The following CGNL1 variants were observed in gnomAD, a reference collection of about 807,000 sequenced individuals.
The protein encoded by CGNL1 is cingulin-like protein 1.
In CGNL1, 132 loss-of-function variants were observed where a neutral mutation model predicts 141.2. The ratio of observed to expected loss-of-function variants is 0.93; its 90% CI spans 0.81 to 1.08. CGNL1 has a LOEUF of 1.08. Ranked by LOEUF, CGNL1 falls within the 50% of genes least tolerant of loss-of-function variation. The pLI, the probability that CGNL1 is intolerant of heterozygous loss-of-function variation, is 0.00. For synonymous variants in CGNL1, 690 were observed against 622.1 expected (o/e 1.11, Z -1.63); for missense variants, 1,870 against 1,588.6 (o/e 1.18, Z -3.01).
At chr15:57,487,012 GT>G (rs1272651806) in intron 8 of CGNL1, among the ~76,000 whole-genome samples, 1 of 152,180 alleles carries the variant, frequency 6.6e-6, no homozygotes, top group African/African-American at 2.4e-5. Context: ...TTTGCTGCTA[GT>G]TTTCCCAGCC....
intron 14 of CGNL1, among the ~76,000 whole-genome samples, chr15:57,538,597 T>C (rs55653578): frequency 0.11 from 16,259 of 152,178 alleles, 1,435 homozygotes; most frequent in East Asian, 0.45. Flanking sequence ...GGGAAGTCTG[T>C]TTCCTGGTGG....
At chr15:57,503,207 A>C (rs577280470) in intron 8 of CGNL1, among the ~76,000 whole-genome samples, 1 of 152,200 alleles carries the variant, frequency 6.6e-6, no homozygotes, top group South Asian at 2.1e-4. Context: ...TAGTTAGGTC[A>C]GTAGGAGCCT....
chr15:57,470,356 AG>A (rs2063566629), intron 8 of CGNL1, among the ~76,000 whole-genome samples: 1 of 148,608 alleles, frequency 6.7e-6, no homozygotes, highest in Non-Finnish European at 1.5e-5. Flanking sequence ...TAAGAGGTCT[AG>A]AGTGGTGTCC....
chr15:57,436,649 G>A (rs1457751302), intron 1 of CGNL1, among the ~76,000 whole-genome samples: 2 of 151,948 alleles, frequency 1.3e-5, no homozygotes, highest in Non-Finnish European at 2.9e-5. Context: ...TCCAAGTCAA[G>A]GAGTCAGAAA....
chr15:57,471,140 A>G (rs1033233456), intron 8 of CGNL1, among the ~76,000 whole-genome samples: 30 of 152,206 alleles, frequency 2.0e-4, no homozygotes, highest in African/African-American at 6.3e-4. Context: ...GCTTCCAGTT[A>G]CAGTTCAGAT....
chr15:57,530,406 C>T (rs1290035781), intron 13 of CGNL1, among the ~76,000 whole-genome samples: 1 of 152,206 alleles, frequency 6.6e-6, no homozygotes, highest in Non-Finnish European at 1.5e-5. Flanking sequence ...AGGGGTGTTT[C>T]GTCCCCTAAG....
At chr15:57,456,109 C>T (rs1235947617) in intron 7 of CGNL1, among the ~76,000 whole-genome samples, 1 of 152,148 alleles carries the variant, frequency 6.6e-6, no homozygotes, top group Non-Finnish European at 1.5e-5. Flanking sequence ...ACGGTTTCTA[C>T]GTCACTAGTA....
chr15:57,478,115 T>G (rs1047960357), intron 8 of CGNL1: 2 of 152,210 alleles, frequency 1.3e-5, no homozygotes, highest in African/African-American at 4.8e-5. Flanking sequence ...CTGACATTCC[T>G]GTACATCCGG....
intron 8 of CGNL1, among the ~76,000 whole-genome samples, chr15:57,484,320 G>A (rs898490903): frequency 1.5e-4 from 23 of 152,000 alleles, no homozygotes; most frequent in Admixed American, 3.9e-4. Flanking sequence ...ATTTAATATC[G>A]CATAAGTTGT....
chr15:57,450,848 C>G (rs2063313582), intron 4 of CGNL1, among the ~76,000 whole-genome samples: 1 of 152,142 alleles, frequency 6.6e-6, no homozygotes, highest in Non-Finnish European at 1.5e-5. Flanking sequence ...AGAATTCTAA[C>G]AATCATTTAC....
intron 8 of CGNL1, among the ~76,000 whole-genome samples, chr15:57,468,155 T>C (rs2063532638): frequency 6.6e-6 from 1 of 152,074 alleles, no homozygotes; most frequent in Middle Eastern, 3.2e-3. Context: ...GAGAGTTAAT[T>C]ACCTATCCTC....
chr15:57,501,395 C>G (rs1204553755), intron 8 of CGNL1, among the ~76,000 whole-genome samples: 1 of 152,228 alleles, frequency 6.6e-6, no homozygotes, highest in African/African-American at 2.4e-5. Flanking sequence ...AAGCACATAG[C>G]TGGTGTCTGG....
chr15:57,440,187 G>A (rs1353737330), intron 2 of CGNL1, among the ~76,000 whole-genome samples, 190 bp from the exon 3 acceptor site: 2 of 151,866 alleles, frequency 1.3e-5, no homozygotes, highest in Non-Finnish European at 2.9e-5. Flanking sequence ...TGTGCAGGTA[G>A]TACCTATTAA....
At chr15:57,459,015 C>G (rs2063413968) in intron 7 of CGNL1, among the ~76,000 whole-genome samples, 1 of 152,286 alleles carries the variant, frequency 6.6e-6, no homozygotes, top group South Asian at 2.1e-4. Flanking sequence ...TGAAAGAGAT[C>G]TCGTTGTCGG....
At chr15:57,423,686 C>T (rs2062940952) in intron 1 of CGNL1, among the ~76,000 whole-genome samples, 1 of 152,226 alleles carries the variant, frequency 6.6e-6, no homozygotes, top group Admixed American at 6.5e-5. Flanking sequence ...CTCTGGGCTT[C>T]TGGGATGCCA....
At chr15:57,546,635 T>G (rs1413562723) in intron 18 of CGNL1, among the ~76,000 whole-genome samples, 1 of 152,170 alleles carries the variant, frequency 6.6e-6, no homozygotes, top group Non-Finnish European at 1.5e-5. Context: ...AGGACTAGGA[T>G]TCCCCAAGCC....
Position 57,513,284 on chromosome 15 carries a change from GTGTGTGTGTGTT to G in CGNL1, c.2404-3489_2404-3478del, listed in dbSNP as rs1279740283. Among the ~76,000 whole-genome samples, 146 of 102,132 alleles carry G rather than the reference GTGTGTGTGTGTT, an allele frequency of 1.4e-3. 2 individuals are homozygous for G. The highest frequency in any genetic ancestry group is 5.6e-3 in the African/African-American group (133 of 23,918). The allele number at this position is 102,132 out of a possible 152,430, so 67.0% of individuals were successfully genotyped here. On this transcript the variant is annotated intron_variant, in intron 8 of 18. Coordinates refer to ENST00000281282, the MANE Select transcript of CGNL1 (RefSeq NM_032866.5). ...TGTGTGTGTGTGTGTGTGTGTGTGT[GTGTGTGTGTGTT>G]TGTGTGATTGGCTTCTTTAGGATAA...
chr15:57,529,557 GAA>G (rs1259900975), intron 13 of CGNL1, among the ~76,000 whole-genome samples: 2 of 80,284 alleles, frequency 2.5e-5, no homozygotes, highest in South Asian at 9.3e-4. Context: ...CTAACCCCCA[GAA>G]ACACACACAC....
chr15:57,508,417 A>G (rs1364787469), intron 8 of CGNL1, among the ~76,000 whole-genome samples: 2 of 152,222 alleles, frequency 1.3e-5, no homozygotes, highest in African/African-American at 4.8e-5. Flanking sequence ...ATCAAAAAGG[A>G]GGAAGGAAGG....
Sources: gnomAD v4.1 joint callset for allele counts (sites outside exome capture counted in the v4.1 genomes callset) on GRCh38, gnomAD v4.1.1 for gene constraint, MANE v1.5 for transcripts, NCBI Gene and HGNC (gene_info 2026-07-23, HGNC 2026-07-21) for gene names.